Variants in CACNA1E observed in about 807,000 individuals in gnomAD.
CACNA1E encodes voltage-dependent R-type calcium channel subunit alpha-1E.
CACNA1E carries 40 observed loss-of-function variants against 259.2 expected under a neutral mutation model. The ratio of observed to expected loss-of-function variants is 0.15; its 90% CI spans 0.12 to 0.20. CACNA1E has a LOEUF of 0.20. Among genes scored for constraint, CACNA1E ranks in the 10% least tolerant of loss-of-function variants. The pLI, the probability that CACNA1E is intolerant of heterozygous loss-of-function variation, is 1.00. For missense variants in CACNA1E, 1,874 were observed against 3,040.1 expected (o/e 0.62, Z 9.02); for synonymous variants, 1,104 against 1,138.5 (o/e 0.97, Z 0.61).
chr1:181,675,861 C>CA (rs2102229091), intron 7 of CACNA1E, among the ~76,000 whole-genome samples: 1 of 152,164 alleles, frequency 6.6e-6, no homozygotes, highest in African/African-American at 2.4e-5. Context: ...GGGATTTTGA[C>CA]AAAAAAGACC....
chr1:181,731,106 C>A, intron 18 of CACNA1E, 69 bp from the exon 19 acceptor site: 2 of 1,240,572 alleles, frequency 1.6e-6, no homozygotes, highest in Non-Finnish European at 2.4e-6. Context: ...TGGAAATCTG[C>A]TGGTGGCTGT....
chr1:181,721,937 G>A (rs1654449441), intron 16 of CACNA1E, 62 bp downstream of exon 16: 1 of 1,081,596 alleles, frequency 9.2e-7, no homozygotes, highest in Non-Finnish European at 1.4e-6. Context: ...ATTTGAGGAG[G>A]CATTGGTGGT....
chr1:181,758,137 G>GGCCA lies in CACNA1E; in HGVS notation c.4494+26_4494+27insGCCA, dbSNP rs754775799. On this transcript the variant is annotated intron_variant, in intron 31 of 47. Coordinates refer to ENST00000367573, the MANE Select transcript of CACNA1E (RefSeq NM_001205293.3). This position sits in a 1 kb window ranked among gnomAD's most constrained non-coding sequence, Gnocchi z 4.2. ...GTGAGAGGAGAGAGGCACAAGAGCC[G>GGCCA]ACTGAGCCCCAGCGATGGTTCCCTC... The GGCCA allele has an allele frequency of 1.2e-6, 2 of 1,605,514 alleles. No individual in the cohort carries two copies. Among genetic ancestry groups the GGCCA allele is most frequent in the Non-Finnish European group, 1.7e-6 (2 of 1,174,454 alleles).
chr1:181,480,457 G>A (rs1663157163), upstream of CACNA1E, among the ~76,000 whole-genome samples: 2 of 152,218 alleles, frequency 1.3e-5, no homozygotes, highest in African/African-American at 4.8e-5. Context: ...TGGAAGGCAA[G>A]AAGGCAGATA....
At chr1:181,502,593 T>C (rs910852477) in intron 1 of CACNA1E, among the ~76,000 whole-genome samples, 4 of 152,200 alleles carry the variant, frequency 2.6e-5, no homozygotes, top group African/African-American at 9.6e-5. Flanking sequence ...TCTTTTTACC[T>C]CATACTGACT....
intron 6 of CACNA1E, among the ~76,000 whole-genome samples, chr1:181,639,750 A>G (rs1229273199): frequency 2.0e-5 from 3 of 152,238 alleles, no homozygotes; most frequent in African/African-American, 7.2e-5. Flanking sequence ...TGTGCCCCAA[A>G]CTAATGGGGA....
At chr1:181,422,009 C>T (rs1161865103) in intron 2 of CACNA1E, among the ~76,000 whole-genome samples, 1 of 152,218 alleles carries the variant, frequency 6.6e-6, no homozygotes, top group Non-Finnish European at 1.5e-5. Context: ...CCTGCCCACT[C>T]GCCTTTTATT....
At chr1:181,605,925 A>G (rs1301486361) in intron 6 of CACNA1E, among the ~76,000 whole-genome samples, 1 of 152,094 alleles carries the variant, frequency 6.6e-6, no homozygotes, top group Non-Finnish European at 1.5e-5. Flanking sequence ...AAACTCAGCC[A>G]TGTTACCTTC....
rs554020606 is a variant in CACNA1E, at chr1:181,496,268, G to T, written c.266+12258G>T. On this transcript the variant is annotated intron_variant, in intron 1 of 47. Coordinates refer to ENST00000367573, the MANE Select transcript of CACNA1E (RefSeq NM_001205293.3). The stretch of plus-strand genomic sequence containing the variant: ...TATCTTCAGGAGCAATAATGATGCA[G>T]AATTTTCCCAGAAAGCTTTTGATAA... 3.3e-5 allele frequency among the ~76,000 whole-genome samples: 5 copies of T among 152,306 alleles called. No homozygotes were observed. In the East Asian group the frequency reaches 9.6e-4, roughly 29 times the overall value.
intron 1 of CACNA1E, among the ~76,000 whole-genome samples, chr1:181,357,540 AG>A (rs573402248): frequency 6.6e-6 from 1 of 152,200 alleles, no homozygotes; most frequent in Non-Finnish European, 1.5e-5. Flanking sequence ...TTTGAGAGAA[AG>A]GATGCTGCCA....
intron 1 of CACNA1E, among the ~76,000 whole-genome samples, chr1:181,363,571 C>A (rs556924730): frequency 5.3e-5 from 8 of 152,170 alleles, no homozygotes; most frequent in Non-Finnish European, 8.8e-5. Context: ...CAGGTGACAT[C>A]CCAGCCTCAG....
At chr1:181,710,599 A>T (rs1653253843) in intron 7 of CACNA1E, among the ~76,000 whole-genome samples, 1 of 152,260 alleles carries the variant, frequency 6.6e-6, no homozygotes, top group Non-Finnish European at 1.5e-5. Context: ...GAGAAAGAGT[A>T]GCTGTGCCCT....
chr1:181,643,139 T>C (rs868781233), intron 6 of CACNA1E, among the ~76,000 whole-genome samples: 14 of 152,120 alleles, frequency 9.2e-5, no homozygotes, highest in Non-Finnish European at 1.8e-4. Flanking sequence ...CCTAAAACTT[T>C]TATTATAGAG....
intron 25 of CACNA1E, among the ~76,000 whole-genome samples, chr1:181,748,542 C>T (rs756153248): frequency 7.9e-5 from 12 of 152,144 alleles, no homozygotes; most frequent in Non-Finnish European, 7.3e-5. Flanking sequence ...AGGACTTGAG[C>T]TAAGCAGAAG....
intron 3 of CACNA1E, among the ~76,000 whole-genome samples, chr1:181,565,198 G>A (rs906039073): frequency 2.0e-5 from 3 of 152,128 alleles, no homozygotes; most frequent in Non-Finnish European, 2.9e-5. Flanking sequence ...TTATCTATAT[G>A]GAATAGGCAA....
chr1:181,678,915 C>A (rs139896089), intron 7 of CACNA1E, among the ~76,000 whole-genome samples: 1,711 of 152,278 alleles, frequency 0.011, 29 homozygotes, highest in African/African-American at 0.038. Flanking sequence ...TTAAACTAGC[C>A]TCCTGTGAAA....
intron 3 of CACNA1E, among the ~76,000 whole-genome samples, chr1:181,548,374 C>T (rs1052781581): frequency 6.6e-6 from 1 of 152,114 alleles, no homozygotes; most frequent in African/African-American, 2.4e-5. Context: ...GATCCACCTG[C>T]GTTGGCCTCC....
intron 3 of CACNA1E, among the ~76,000 whole-genome samples, chr1:181,572,739 G>A (rs1267095118): frequency 6.6e-6 from 1 of 152,104 alleles, no homozygotes; most frequent in African/African-American, 2.4e-5. Context: ...TGATTTTGTG[G>A]TGTGTGTGTC....
chr1:181,532,013 A>T (rs1325471187), intron 3 of CACNA1E, among the ~76,000 whole-genome samples: 1 of 152,144 alleles, frequency 6.6e-6, no homozygotes, highest in Non-Finnish European at 1.5e-5. Context: ...CCGCCATTGC[A>T]CCGTTGCACT....
Sources: gnomAD v4.1 joint callset for allele counts (sites outside exome capture counted in the v4.1 genomes callset) on GRCh38, gnomAD v4.1.1 for gene constraint, Gnocchi (gnomAD v3.1) non-coding constraint, MANE v1.5 for transcripts, NCBI Gene and HGNC (gene_info 2026-07-23, HGNC 2026-07-21) for gene names.